Variants in NDUFA11 observed in about 807,000 individuals in gnomAD.
The protein encoded by NDUFA11 is NADH:ubiquinone oxidoreductase subunit A11.
A neutral mutation model predicts 11.3 loss-of-function variants in NDUFA11; 14 were observed. That is an observed-to-expected ratio of 1.24 (90% CI 0.82 to 1.94). The LOEUF is 1.94. Ranked by LOEUF, NDUFA11 falls within the 30% of genes most tolerant of loss-of-function variation. The pLI, the probability that NDUFA11 is intolerant of heterozygous loss-of-function variation, is 0.00. For synonymous variants in NDUFA11, 87 were observed against 85.6 expected, an observed-to-expected ratio of 1.02 and a Z score of -0.09; for missense variants, 204 against 200.3, an observed-to-expected ratio of 1.02 and a Z score of -0.11.
At position 5,896,713 on chromosome 19, in the gene NDUFA11, T is replaced by A; in HGVS notation, c.191-138A>T. 1 of 1,364,930 alleles carries A rather than the reference T, an allele frequency of 7.3e-7. No homozygotes were observed. The highest frequency in any genetic ancestry group is 1.0e-6 in the Non-Finnish European group (1 of 981,398). 84.6% of individuals were successfully genotyped at this position (1,364,930 alleles called of 1,614,324 possible). On this transcript the variant is annotated intron_variant, in intron 2 of 3. Transcript: ENST00000308961. This position sits in a 1 kb window ranked among gnomAD's most constrained non-coding sequence, Gnocchi z 5.8. The stretch of plus-strand genomic sequence containing the variant: ...GTGCATGGCAGCCTCCTGGCCCCAG[T>A]CCTGGAGCTGTTCTCCTGGGCCTCC...
rs1433227753 is a variant in NDUFA11, at chr19:5,894,696, T to C, written c.*46A>G. The C allele has an allele frequency of 6.3e-7, 1 of 1,599,524 alleles. No homozygotes were observed. The highest frequency in any genetic ancestry group is 8.5e-7 in the Non-Finnish European group (1 of 1,173,032). On this transcript the variant is annotated 3_prime_UTR_variant, in exon 4 of 4. Transcript: ENST00000308961. ...GACACACACACAGACACAGAATTTA[T>C]TTCTGGACGCATTCTGCAGGCTGGA...
chr19:5,892,699 G>T, downstream of NDUFA11: 1 of 536,018 alleles, frequency 1.9e-6, no homozygotes, highest in Non-Finnish European at 3.0e-6. Flanking sequence ...TGCCCAGCAG[G>T]CCGTGCTGTG....
chr19:5,897,645 A>C (rs1469013941), intron 1 of NDUFA11, among the ~76,000 whole-genome samples: 1 of 151,802 alleles, frequency 6.6e-6, no homozygotes, highest in African/African-American at 2.4e-5. Flanking sequence ...CAGCCTCGCC[A>C]CTCCGGTCAG....
intron 1 of NDUFA11, among the ~76,000 whole-genome samples, chr19:5,900,981 C>CG (rs2057641741): frequency 1.3e-5 from 2 of 151,958 alleles, no homozygotes; most frequent in South Asian, 2.1e-4. Flanking sequence ...TCAAAGACCC[C>CG]GGGGCACCCT....
At chr19:5,901,844 T>G (rs2057647829) in intron 1 of NDUFA11, among the ~76,000 whole-genome samples, 1 of 151,970 alleles carries the variant, frequency 6.6e-6, no homozygotes. Flanking sequence ...TAATTTTTTT[T>G]GTATTTTTAG....
At chr19:5,894,121 C>CACCAGCCAGGTGCTGCT, downstream of NDUFA11, among the ~76,000 whole-genome samples, 1 of 152,232 alleles carries the variant, frequency 6.6e-6, no homozygotes, top group East Asian at 1.9e-4. Flanking sequence ...TTGTCGCTGC[C>CACCAGCCAGGTGCTGCT]ACCAGCCAGG....
rs147240263 is a variant in NDUFA11 at position 5,898,318 on chromosome 19, C to A, written c.98-1321G>T. Reference sequence around the variant, plus strand: ...ATGCCAGGCCTGGCAGTGACCCCCCCCAACAGCACCCTAGCCTCAGATCCA... The same window carrying A: ...ATGCCAGGCCTGGCAGTGACCCCCCACAACAGCACCCTAGCCTCAGATCCA... On this transcript the variant is annotated intron_variant, in intron 1 of 3. Coordinates refer to ENST00000308961, the MANE Select transcript of NDUFA11 (RefSeq NM_175614.5). 2.5e-3 allele frequency among the ~76,000 whole-genome samples: 376 copies of A among 152,318 alleles called. 1 individual carries two copies. Among genetic ancestry groups the A allele is most frequent in the African/African-American group, 8.5e-3 (353 of 41,576 alleles).
Position 5,896,764 on chromosome 19 carries a change from G to T in NDUFA11, c.190+141C>A. ...CCACCCTACATGTATTCCTGATAAA[G>T]GAACACCCCACTTTCTCCGGATGGC... On this transcript the variant is annotated intron_variant, in intron 2 of 3. Transcript: ENST00000308961. The surrounding 1 kb of genome is among the most constrained non-coding windows in gnomAD (Gnocchi z 5.8). 8.5e-7 allele frequency: 1 copy of T among 1,181,272 alleles called. No individual in the cohort carries two copies. Among genetic ancestry groups the T allele is most frequent in the Non-Finnish European group, 1.3e-6 (1 of 795,028 alleles). 73.2% of individuals were successfully genotyped at this position (1,181,272 alleles called of 1,614,324 possible).
At chr19:5,893,213 T>C, downstream of NDUFA11, 2 of 1,533,642 alleles carry the variant, frequency 1.3e-6, no homozygotes, top group Non-Finnish European at 1.7e-6. The surrounding 1 kb of genome is among the most constrained non-coding windows in gnomAD (Gnocchi z 4.1). Context: ...ATCCCAGCAC[T>C]CTGGGAGGCT....
chr19:5,903,432 AC>A (rs2057658126), intron 1 of NDUFA11, among the ~76,000 whole-genome samples, 179 bp downstream of exon 1: 1 of 150,432 alleles, frequency 6.6e-6, no homozygotes, highest in Non-Finnish European at 1.5e-5. Flanking sequence ...ACCCTGCTGG[AC>A]CCCCTACCAA....
downstream of NDUFA11, chr19:5,892,833 C>G (rs1247642968): frequency 8.0e-6 from 11 of 1,383,532 alleles, no homozygotes; most frequent in Non-Finnish European, 9.4e-6. Flanking sequence ...TGGGGCATCT[C>G]TGAGGGGCCC....
At chr19:5,903,473 G>C in intron 1 of NDUFA11, 139 bp downstream of exon 1, 1 of 770,430 alleles carries the variant, frequency 1.3e-6, no homozygotes, top group Non-Finnish European at 2.1e-6. Flanking sequence ...CCCCCCCTAC[G>C]ACCGCCCAAG....
chr19:5,903,741 C>CGCCAGCTCGGGAAGCGCAAGGGCA lies in NDUFA11; in HGVS notation c.-57_-34dup. The CGCCAGCTCGGGAAGCGCAAGGGCA allele has an allele frequency of 6.5e-7, 1 of 1,548,960 alleles. No individual in the cohort carries two copies. The highest frequency in any genetic ancestry group is 8.7e-7 in the Non-Finnish European group (1 of 1,144,926). On this transcript the variant is annotated 5_prime_UTR_variant, in exon 1 of 4. Coordinates refer to ENST00000308961, the MANE Select transcript of NDUFA11 (RefSeq NM_175614.5). Reference sequence around the variant, plus strand: ...AATCTCGATCCCGCACCACGGACCCCGCCAGCTCGGGAAGCGCAAGGGCAG... The same window carrying CGCCAGCTCGGGAAGCGCAAGGGCA: ...AATCTCGATCCCGCACCACGGACCCCGCCAGCTCGGGAAGCGCAAGGGCAGCCAGCTCGGGAAGCGCAAGGGCAG...
intron 1 of NDUFA11, among the ~76,000 whole-genome samples, chr19:5,901,971 G>GGTTTT (rs911273955): frequency 2.1e-5 from 3 of 145,790 alleles, no homozygotes; most frequent in Admixed American, 1.4e-4. Flanking sequence ...GCGCCCGGCT[G>GGTTTT]GTTTTGTTTT....
Position 5,903,680 on chromosome 19 carries a change from C to T in NDUFA11, c.29G>A (p.Trp10Ter). The T allele has an allele frequency of 9.7e-6, 15 of 1,551,570 alleles. No individual in the cohort carries two copies. The highest frequency in any genetic ancestry group is 1.2e-5 in the Non-Finnish European group (14 of 1,146,916). The change falls in exon 1 of 4, where the codon TGG becomes TAG. Residue 10 changes from tryptophan (W) to a stop codon, truncating the protein, a stop_gained. Transcript: ENST00000308961. LOFTEE classifies it high-confidence loss of function. Reference sequence around the variant, plus strand: ...GCAATCGGTGCCATCGGGGATATCCCAGTACTGACGAAAAACCTTCGGCGC... The same window carrying T: ...GCAATCGGTGCCATCGGGGATATCCTAGTACTGACGAAAAACCTTCGGCGC... Reference protein sequence around the residue: MAPKVFRQYWDIPDGTDCHR... With the variant: MAPKVFRQY
At chr19:5,903,057 T>C (rs1002983831) in intron 1 of NDUFA11, among the ~76,000 whole-genome samples, 8 of 148,762 alleles carry the variant, frequency 5.4e-5, no homozygotes, top group Non-Finnish European at 1.0e-4. Context: ...CGGGTCCCCT[T>C]CATTCCCCTG....
intron 1 of NDUFA11, among the ~76,000 whole-genome samples, chr19:5,899,451 CTTTT>C (rs71172780): frequency 0.06 from 4,134 of 68,656 alleles, 198 homozygotes; most frequent in African/African-American, 0.19. Context: ...CGCCCGGACT[CTTTT>C]TTTTTTTTTT....
chr19:5,892,202 C>T (rs769084705), downstream of NDUFA11: 10 of 152,722 alleles, frequency 6.5e-5, no homozygotes, highest in Admixed American at 1.3e-4. Context: ...TGGTCTGAGC[C>T]GTCGGCTCCC....
intron 1 of NDUFA11, among the ~76,000 whole-genome samples, chr19:5,897,733 C>T (rs576771430): frequency 4.1e-4 from 62 of 152,344 alleles, no homozygotes; most frequent in African/African-American, 1.3e-3. Context: ...GGGCCGGGGC[C>T]GGGCCCAGAA....
Sources: allele counts gnomAD v4.1 joint callset (sites outside exome capture counted in the v4.1 genomes callset), GRCh38; gene constraint gnomAD v4.1.1; non-coding constraint Gnocchi (gnomAD v3.1); transcripts MANE v1.5; gene names NCBI Gene and HGNC (gene_info 2026-07-23, HGNC 2026-07-21).